The following FAM81A variants were observed in gnomAD, a reference collection of about 807,000 sequenced individuals.
The protein encoded by FAM81A is protein FAM81A.
FAM81A carries 19 observed loss-of-function variants against 46.7 expected under a neutral mutation model. That is an observed-to-expected ratio of 0.41 (90% CI 0.28 to 0.60). The LOEUF is 0.60. Ranked by LOEUF, FAM81A falls within the 20% of genes least tolerant of loss-of-function variation. The pLI is 0.34. For synonymous variants in FAM81A, 183 were observed against 152.9 expected (o/e 1.20, Z -1.45); for missense variants, 377 against 453.5 (o/e 0.83, Z 1.53).
At chr15:59,497,637 CTTGAGGCCAGGAGT>C (rs145090494) in intron 4 of FAM81A, among the ~76,000 whole-genome samples, 6,559 of 151,764 alleles carry the variant, frequency 0.043, 456 homozygotes, top group African/African-American at 0.14. Context: ...AGGAGGATTG[CTTGAGGCCAGGAGT>C]TTGAGGCCAG....
intron 2 of FAM81A, among the ~76,000 whole-genome samples, chr15:59,416,410 G>A (rs900829): frequency 0.96 from 145,919 of 152,298 alleles, 70,155 homozygotes; most frequent in South Asian, 1. Context: ...GAGAAAGTCA[G>A]CTGCCTCAGT....
chr15:59,411,529 C>G (rs2081120569), intron 2 of FAM81A, among the ~76,000 whole-genome samples: 1 of 152,188 alleles, frequency 6.6e-6, no homozygotes, highest in African/African-American at 2.4e-5. Context: ...ACCCACTTCT[C>G]CTTCAGAGCA....
intron 6 of FAM81A, among the ~76,000 whole-genome samples, chr15:59,511,567 T>C (rs2082208538): frequency 6.6e-6 from 1 of 152,232 alleles, no homozygotes; most frequent in African/African-American, 2.4e-5. Flanking sequence ...TCTGGAAAAG[T>C]TGGACGTGTT....
At chr15:59,436,605 A>G (rs1349596174), upstream of FAM81A, among the ~76,000 whole-genome samples, 1 of 152,192 alleles carries the variant, frequency 6.6e-6, no homozygotes, top group Non-Finnish European at 1.5e-5. Context: ...CTTTCTGCTA[A>G]CACATGCACA....
At chr15:59,430,448 T>C (rs1292451539) in intron 2 of FAM81A, among the ~76,000 whole-genome samples, 4 of 151,932 alleles carry the variant, frequency 2.6e-5, no homozygotes, top group African/African-American at 9.7e-5. Flanking sequence ...GTATTTTTAG[T>C]AGAGATGGGG....
At chr15:59,511,644 T>G (rs2082209726) in intron 6 of FAM81A, among the ~76,000 whole-genome samples, 1 of 152,178 alleles carries the variant, frequency 6.6e-6, no homozygotes, top group Non-Finnish European at 1.5e-5. Context: ...GTAACAGCAT[T>G]ATTATTTATT....
intron 4 of FAM81A, among the ~76,000 whole-genome samples, chr15:59,502,651 T>A (rs917821968): frequency 1.3e-5 from 2 of 151,870 alleles, no homozygotes; most frequent in Admixed American, 1.3e-4. Flanking sequence ...GTAGCTGGGA[T>A]TACAGGCGCC....
At chr15:59,433,066 C>T (rs55983879) in intron 2 of FAM81A, among the ~76,000 whole-genome samples, 1 of 137,756 alleles carries the variant, frequency 7.3e-6, no homozygotes, top group Non-Finnish European at 1.5e-5. Flanking sequence ...GGTGTGAACT[C>T]GGGAGGTGGA....
At chr15:59,402,415 A>T (rs28714279) in intron 2 of FAM81A, 12,298 of 152,660 alleles carry the variant, frequency 0.081, 679 homozygotes, top group African/African-American at 0.15. Flanking sequence ...CCCACACCCC[A>T]ACGTTTAGGA....
chr15:59,449,695 T>C (rs1328042938), intron 1 of FAM81A, among the ~76,000 whole-genome samples: 3 of 136,728 alleles, frequency 2.2e-5, no homozygotes, highest in Non-Finnish European at 1.5e-5. Flanking sequence ...GGCAGGAGAA[T>C]GGCGTGAACC....
At chr15:59,464,687 G>C (rs1325101384) in intron 3 of FAM81A, among the ~76,000 whole-genome samples, 1 of 152,118 alleles carries the variant, frequency 6.6e-6, no homozygotes, top group Non-Finnish European at 1.5e-5. Context: ...TGAGTTGTTT[G>C]AGTTCCTTCT....
At chr15:59,506,026 G>A (rs1374585725) in intron 4 of FAM81A, among the ~76,000 whole-genome samples, 1 of 152,076 alleles carries the variant, frequency 6.6e-6, no homozygotes, top group Non-Finnish European at 1.5e-5. Flanking sequence ...GGACTTAGAA[G>A]CATCAGCAGT....
At chr15:59,497,302 C>T (rs2082044298) in intron 4 of FAM81A, among the ~76,000 whole-genome samples, 1 of 150,986 alleles carries the variant, frequency 6.6e-6, no homozygotes, top group African/African-American at 2.4e-5. Context: ...AAAAATTAGC[C>T]AGGTGTGGTA....
At chr15:59,506,160 TTTG>T (rs1421985702) in intron 4 of FAM81A, among the ~76,000 whole-genome samples, 1 of 151,938 alleles carries the variant, frequency 6.6e-6, no homozygotes, top group South Asian at 2.1e-4. Context: ...GTTTGTTTGT[TTTG>T]TTTTGTTTTG....
intron 2 of FAM81A, among the ~76,000 whole-genome samples, chr15:59,409,928 G>A (rs2081113128): frequency 6.6e-6 from 1 of 151,798 alleles, no homozygotes. Flanking sequence ...TATTATTAAG[G>A]CACAGAAATT....
At chr15:59,455,341 CA>C (rs201447358) in intron 1 of FAM81A, among the ~76,000 whole-genome samples, 3,996 of 152,160 alleles carry the variant, frequency 0.026, 84 homozygotes, top group South Asian at 0.05. Context: ...ACTGCACAAT[CA>C]AAACAGCATG....
chr15:59,456,587 T>A (rs1036642683), intron 1 of FAM81A, among the ~76,000 whole-genome samples: 1 of 152,122 alleles, frequency 6.6e-6, no homozygotes, highest in African/African-American at 2.4e-5. Context: ...TTTTGTTTGT[T>A]TGTATTTGAG....
At chr15:59,466,406 C>T (rs908811932) in intron 3 of FAM81A, among the ~76,000 whole-genome samples, 16 of 151,510 alleles carry the variant, frequency 1.1e-4, no homozygotes, top group Middle Eastern at 3.2e-3. Context: ...TTCTAACTGG[C>T]GTGAGATGGT....
At chr15:59,442,276 C>T (rs1248372278) in intron 1 of FAM81A, among the ~76,000 whole-genome samples, 1 of 152,162 alleles carries the variant, frequency 6.6e-6, no homozygotes, top group Non-Finnish European at 1.5e-5. Context: ...CATTTTTCCC[C>T]TTTTTAAACC....
Sources: gnomAD v4.1 joint callset for allele counts (sites outside exome capture counted in the v4.1 genomes callset) on GRCh38, gnomAD v4.1.1 for gene constraint, MANE v1.5 for transcripts, NCBI Gene and HGNC (gene_info 2026-07-23, HGNC 2026-07-21) for gene names.